Variants in KDM4A observed in about 807,000 individuals in gnomAD.
KDM4A encodes lysine demethylase 4A.
In KDM4A, 23 loss-of-function variants were observed where a neutral mutation model predicts 127.1. The ratio of observed to expected loss-of-function variants is 0.18; its 90% confidence interval spans 0.13 to 0.26. The LOEUF (loss-of-function observed/expected upper bound fraction) is 0.26, where lower values mean the gene tolerates loss of function less well. KDM4A is among the 10% of genes least tolerant of loss of function. KDM4A has a pLI of 1.00. For missense variants in KDM4A, 890 were observed against 1,329.1 expected (o/e 0.67, Z 5.14); for synonymous variants, 443 against 466.5 (o/e 0.95, Z 0.65).
intron 13 of KDM4A, chr1:43,690,577 T>G (rs1661085362): frequency 1.9e-6 from 1 of 515,872 alleles, no homozygotes; most frequent in Admixed American, 3.2e-5. Flanking sequence ...CCACTTTCTT[T>G]GGGAAGATTG....
intron 6 of KDM4A, 151 bp downstream of exon 6, chr1:43,665,896 G>T: frequency 1.4e-6 from 1 of 716,358 alleles, no homozygotes; most frequent in Non-Finnish European, 2.4e-6. Context: ...ACCTTAAGAG[G>T]GCAGTGACGG....
chr1:43,683,919 T>A, intron 12 of KDM4A, 115 bp downstream of exon 12: 2 of 1,136,684 alleles, frequency 1.8e-6, no homozygotes, highest in Non-Finnish European at 1.3e-6. Context: ...GCTTAGCTGC[T>A]CTTCCAGATA....
In KDM4A at chr1:43,695,319, A is replaced by G. The variant is rs112585040; in HGVS notation, c.2670+425A>G. ...ATTTCTGCAGTTCTCTTAATGGTAA[A>G]GCTTAGAGAAAAAGTGACATGTAAT... On this transcript the variant is annotated intron_variant, in intron 18 of 21. Coordinates refer to ENST00000372396, the MANE Select transcript of KDM4A (RefSeq NM_014663.3). Among the ~76,000 whole-genome samples the G allele has an allele frequency of 5.6e-3, 849 of 152,362 alleles. 11 individuals carry two copies. The highest frequency in any genetic ancestry group is 0.019 in the African/African-American group (788 of 41,584).
intron 19 of KDM4A, chr1:43,699,674 AAAAC>A (rs927496014): frequency 6.6e-5 from 10 of 152,180 alleles, no homozygotes; most frequent in Admixed American, 2.0e-4. Flanking sequence ...TTCTAAAACA[AAAAC>A]AAAAGATTGC....
In KDM4A at chr1:43,667,927, T is replaced by C. The variant is rs1156987906; in HGVS notation, c.1071T>C (p.Ser357=). 1.9e-6 allele frequency: 3 copies of C among 1,613,638 alleles called. No homozygotes were observed. The highest frequency in any genetic ancestry group is 2.7e-5 in the African/African-American group (2 of 74,762). Residue 357 remains serine (S), a synonymous_variant, in exon 9 of 22, where the codon AGT becomes AGC. Coordinates refer to ENST00000372396, the MANE Select transcript of KDM4A (RefSeq NM_014663.3). The part of the protein sequence containing the change: ...TPEAAEFLKE[S]ELPPRAGNEE... ...AAGCAGCTGAGTTTCTTAAGGAGAG[T>C]GAACTGCCTCCAAGAGCTGGCAACG...
chr1:43,652,355 TTTTC>T (rs955456099), intron 1 of KDM4A, among the ~76,000 whole-genome samples: 65 of 152,294 alleles, frequency 4.3e-4, no homozygotes, highest in African/African-American at 1.5e-3. Flanking sequence ...GCTGAAACAA[TTTTC>T]TTTTTTTTTT....
In KDM4A at chr1:43,671,602, T is replaced by G; in HGVS notation, c.1461T>G (p.Asp487Glu). 6.2e-7 allele frequency: 1 copy of G among 1,612,892 alleles called. No individual in the cohort carries two copies. Among genetic ancestry groups the G allele is most frequent in the Non-Finnish European group, 8.5e-7 (1 of 1,179,494 alleles). ...EEEEQAAAAL[D>E]LSVNPASVGG... ...AAGAACAAGCAGCAGCTGCCTTGGA[T>G]CTTTCTGTGAATCCTGCGTCTGTAG... The change falls in exon 11 of 22, where the codon GAT (aspartate) becomes GAG (glutamate). Residue 487 changes from aspartate (D) to glutamate (E), a missense_variant. Asp to Glu is a conservative substitution (Grantham distance 45). Transcript: ENST00000372396.
At chr1:43,703,944 G>T in intron 20 of KDM4A, 76 bp from the exon 21 acceptor site, 1 of 1,375,074 alleles carries the variant, frequency 7.3e-7, no homozygotes, top group South Asian at 1.2e-5. Context: ...TGACTGTAGG[G>T]GACTGCCACT....
rs1660505529 is a variant in KDM4A, at chr1:43,666,561, C to G, written c.777+6C>G. On this transcript the variant is annotated splice_donor_region_variant and intron_variant, in intron 7 of 21. Transcript: ENST00000372396. ...ATGGAATTCCCTTTGACAAGGTGAG[C>G]TGATGTTACATGCCAAAGTTCTCAG... 6.2e-7 allele frequency: 1 copy of G among 1,609,866 alleles called. No individual in the cohort carries two copies. Among genetic ancestry groups the G allele is most frequent in the Non-Finnish European group, 8.5e-7 (1 of 1,176,326 alleles).
intron 3 of KDM4A, 39 bp downstream of exon 3, chr1:43,655,805 G>A (rs769779232): frequency 6.5e-7 from 1 of 1,544,242 alleles, no homozygotes; most frequent in South Asian, 1.2e-5. Context: ...TAGCACCTAG[G>A]ACCCTGGTGT....
Position 43,704,341 on chromosome 1 carries a change from C to A in KDM4A, c.3166C>A (p.Pro1056Thr). The A allele has an allele frequency of 6.2e-7, 1 of 1,613,790 alleles. No individual in the cohort carries two copies. The highest frequency in any genetic ancestry group is 1.7e-5 in the Admixed American group (1 of 60,010). The change falls in exon 22 of 22, where the codon CCT becomes ACT. Residue 1056 changes from proline (P) to threonine (T), a missense_variant. Pro to Thr is a conservative substitution (Grantham distance 38, BLOSUM62 -1). This residue lies in a region of KDM4A where 246 missense variants were observed against 418.4 expected (regional missense o/e 0.59). Transcript: ENST00000372396. ...AAGATACCGGGAAGATTATATTGAG[C>A]CTGCACTATACCGGGCCATCATGGA... ...NSRYREDYIE[P>T]ALYRAIME
intron 11 of KDM4A, among the ~76,000 whole-genome samples, chr1:43,677,285 C>T (rs554877001): frequency 6.8e-6 from 1 of 148,036 alleles, no homozygotes. Context: ...GCGGAGGTTG[C>T]GCTGAGCTGG....
chr1:43,655,715 A>G lies in KDM4A; in HGVS notation c.263A>G (p.Gln88Arg). 6.2e-7 allele frequency: 1 copy of G among 1,613,692 alleles called. No individual in the cohort carries two copies. The highest frequency in any genetic ancestry group is 8.5e-7 in the Non-Finnish European group (1 of 1,179,796). ...QSGLFTQYNI[Q>R]KKAMTVREFR... ...GGCCTCTTTACTCAGTACAACATACAGAAGAAAGCCATGACTGTTCGAGAG... is the reference window on the plus strand; with the variant it reads ...GGCCTCTTTACTCAGTACAACATACGGAAGAAAGCCATGACTGTTCGAGAG... The change falls in exon 3 of 22, where the codon CAG becomes CGG. Residue 88 changes from glutamine to arginine, a missense_variant. Transcript: ENST00000372396.
intron 5 of KDM4A, among the ~76,000 whole-genome samples, chr1:43,663,899 G>A (rs1413023123): frequency 6.6e-6 from 1 of 152,098 alleles, no homozygotes; most frequent in Admixed American, 6.5e-5. Context: ...CTTGCAAAGT[G>A]CTAGGATTAC....
chr1:43,675,950 A>G (rs954563213), intron 11 of KDM4A, among the ~76,000 whole-genome samples: 2 of 151,758 alleles, frequency 1.3e-5, no homozygotes, highest in African/African-American at 4.8e-5. Context: ...GCGGGCGCCT[A>G]TAATCCCAGC....
At chr1:43,675,360 T>C (rs1470838507) in intron 11 of KDM4A, among the ~76,000 whole-genome samples, 1 of 152,236 alleles carries the variant, frequency 6.6e-6, no homozygotes, top group African/African-American at 2.4e-5. Flanking sequence ...TACTTAATGA[T>C]ACGTGTTGTG....
At position 43,665,482 on chromosome 1, in the gene KDM4A, T is replaced by C. The variant is rs146674001; in HGVS notation, c.624-214T>C. On this transcript the variant is annotated intron_variant, in intron 5 of 21. Coordinates refer to ENST00000372396, the MANE Select transcript of KDM4A (RefSeq NM_014663.3). ...CTTAATAAACATCTTATTAAGTGAA[T>C]GAATATAGAAGAAATAAATTCACTC... Among the ~76,000 whole-genome samples the C allele has an allele frequency of 1.1e-4, 17 of 152,222 alleles. No homozygotes were observed. In the East Asian group the frequency reaches 3.3e-3, roughly 29 times the overall value.
At chr1:43,652,564 G>C (rs1022837589) in intron 1 of KDM4A, among the ~76,000 whole-genome samples, 7 of 151,670 alleles carry the variant, frequency 4.6e-5, no homozygotes, top group Non-Finnish European at 1.0e-4. Context: ...GCCCAGGCTG[G>C]TCTCAAACTC....
Position 43,694,997 on chromosome 1 carries a change from T to C in KDM4A, c.2670+103T>C. 8.6e-7 allele frequency: 1 copy of C among 1,166,406 alleles called. No homozygotes were observed. Among genetic ancestry groups the C allele is most frequent in the Non-Finnish European group, 1.2e-6 (1 of 835,144 alleles). The allele number at this position is 1,166,406 out of a possible 1,614,324, so 72.3% of individuals were successfully genotyped here. ...TCAGCAACTATTTCCTCAAGCATTC[T>C]GCATTATGAAGAGTGCTAATGAGTT... On this transcript the variant is annotated intron_variant, in intron 18 of 21. Coordinates refer to ENST00000372396, the MANE Select transcript of KDM4A (RefSeq NM_014663.3). This position sits in a 1 kb window ranked among gnomAD's most constrained non-coding sequence, Gnocchi z 5.2.
Sources: allele counts gnomAD v4.1 joint callset (sites outside exome capture counted in the v4.1 genomes callset), GRCh38; gene constraint gnomAD v4.1.1; regional missense constraint gnomAD v4.1.1; non-coding constraint Gnocchi (gnomAD v3.1); transcripts MANE v1.5; gene names NCBI Gene and HGNC (gene_info 2026-07-23, HGNC 2026-07-21).